The following XKR9 variants were observed in gnomAD, a reference collection of about 807,000 sequenced individuals.
XKR9 encodes the protein XK related 9.
In XKR9, 32 loss-of-function variants were observed where a neutral mutation model predicts 32.0. The ratio of observed to expected loss-of-function variants is 1.00; its 90% confidence interval spans 0.76 to 1.34. The LOEUF (loss-of-function observed/expected upper bound fraction) is 1.34, where lower values mean the gene tolerates loss of function less well. XKR9 is among the 40% of genes most tolerant of loss of function. The pLI, the probability that XKR9 is intolerant of heterozygous loss-of-function variation, is 0.00. For synonymous variants in XKR9, 168 were observed against 143.4 expected (o/e 1.17, Z -1.22); for missense variants, 546 against 429.7 (o/e 1.27, Z -2.39).
At chr8:70,821,290 C>T in the XKR9 span, among the ~76,000 whole-genome samples, 1 of 152,250 alleles carries the variant, frequency 6.6e-6, no homozygotes, top group South Asian at 2.1e-4. Context: ...AGGTGGGCTA[C>T]CATGGTCTTG....
the XKR9 span, among the ~76,000 whole-genome samples, chr8:70,850,839 A>G: frequency 6.6e-6 from 1 of 152,194 alleles, no homozygotes; most frequent in Non-Finnish European, 1.5e-5. Context: ...CTGAATGGGC[A>G]AAAACTGGAA....
At chr8:70,888,124 A>C in the XKR9 span, among the ~76,000 whole-genome samples, 1 of 152,022 alleles carries the variant, frequency 6.6e-6, no homozygotes, top group African/African-American at 2.4e-5. Context: ...GTATCACACT[A>C]TAGTGTTATA....
the XKR9 span, among the ~76,000 whole-genome samples, chr8:70,922,185 C>G: frequency 6.6e-6 from 1 of 152,182 alleles, no homozygotes; most frequent in Admixed American, 6.5e-5. Context: ...GGACTCAGCA[C>G]CAGAACACAA....
chr8:70,985,892 A>T, the XKR9 span, among the ~76,000 whole-genome samples: 1 of 152,132 alleles, frequency 6.6e-6, no homozygotes, highest in Non-Finnish European at 1.5e-5. Flanking sequence ...CATAATTATA[A>T]TTCTTCTAAT....
the XKR9 span, among the ~76,000 whole-genome samples, chr8:71,011,074 G>A: frequency 1.3e-5 from 2 of 152,162 alleles, no homozygotes; most frequent in Non-Finnish European, 2.9e-5. Context: ...TGTGTAAGAC[G>A]CATGGTGGCA....
At chr8:70,876,742 G>A in the XKR9 span, among the ~76,000 whole-genome samples, 1 of 152,104 alleles carries the variant, frequency 6.6e-6, no homozygotes, top group African/African-American at 2.4e-5. Flanking sequence ...GAAACCCTGA[G>A]TTTCTGAGTC....
chr8:70,825,592 T>C, the XKR9 span, among the ~76,000 whole-genome samples: 1 of 152,144 alleles, frequency 6.6e-6, no homozygotes, highest in African/African-American at 2.4e-5. Context: ...ACTTCTCTCT[T>C]CAGCTCCTGG....
chr8:70,981,587 C>T, the XKR9 span, among the ~76,000 whole-genome samples: 1 of 152,100 alleles, frequency 6.6e-6, no homozygotes, highest in Non-Finnish European at 1.5e-5. Context: ...CTTTACCTTT[C>T]TCTGGTGCCT....
the XKR9 span, among the ~76,000 whole-genome samples, chr8:70,805,602 G>T: frequency 1.3e-5 from 2 of 152,212 alleles, no homozygotes; most frequent in African/African-American, 4.8e-5. Flanking sequence ...TTGGTCCCAA[G>T]ACATGTTCCC....
chr8:71,052,918 C>T, the XKR9 span, among the ~76,000 whole-genome samples: 1 of 152,340 alleles, frequency 6.6e-6, no homozygotes, highest in Non-Finnish European at 1.5e-5. Flanking sequence ...ATCAGTAACC[C>T]TGTCTCAGCT....
At chr8:70,722,695 A>G (rs2132219736) in intron 4 of XKR9, among the ~76,000 whole-genome samples, 1 of 152,132 alleles carries the variant, frequency 6.6e-6, no homozygotes, top group African/African-American at 2.4e-5. Flanking sequence ...CTCTTTGTAG[A>G]TGACCTGGCC....
the XKR9 span, among the ~76,000 whole-genome samples, chr8:71,045,827 G>A: frequency 2.0e-5 from 3 of 152,204 alleles, no homozygotes; most frequent in Non-Finnish European, 4.4e-5. Context: ...GATGGCTTGA[G>A]AAGCTGAAGT....
At chr8:70,684,590 A>G (rs903656355) in intron 3 of XKR9, among the ~76,000 whole-genome samples, 1 of 151,968 alleles carries the variant, frequency 6.6e-6, no homozygotes, top group African/African-American at 2.4e-5. Flanking sequence ...CTTAATTTTA[A>G]TTGATCTGAC....
At chr8:70,728,111 TCCCAAAGTTAGATCAACCTATG>T (rs1393244012) in intron 4 of XKR9, among the ~76,000 whole-genome samples, 3 of 152,170 alleles carry the variant, frequency 2.0e-5, no homozygotes, top group African/African-American at 7.2e-5. Context: ...ACTATGTTCC[TCCCAAAGTTAGATCAACCTATG>T]CCCAGGAATG....
chr8:70,989,672 G>A, the XKR9 span, among the ~76,000 whole-genome samples: 3 of 152,060 alleles, frequency 2.0e-5, no homozygotes, highest in African/African-American at 7.2e-5. Flanking sequence ...GCATTTTATT[G>A]TGGTAAAAAT....
intron 2 of XKR9, among the ~76,000 whole-genome samples, chr8:70,755,041 T>C (rs779244339): frequency 2.6e-5 from 4 of 152,172 alleles, no homozygotes; most frequent in Non-Finnish European, 2.9e-5. Context: ...ATCCAGAATC[T>C]ACAATGAACT....
chr8:70,854,819 A>G, the XKR9 span, among the ~76,000 whole-genome samples: 1 of 152,184 alleles, frequency 6.6e-6, no homozygotes, highest in Non-Finnish European at 1.5e-5. Context: ...TTTGTCAAAG[A>G]TCAGATAGTT....
chr8:70,742,143 G>A (rs1806995858), intron 2 of XKR9, among the ~76,000 whole-genome samples: 3 of 152,064 alleles, frequency 2.0e-5, no homozygotes, highest in African/African-American at 7.2e-5. Flanking sequence ...TTAACATCCA[G>A]AGTATATAAA....
At chr8:70,979,516 A>G in the XKR9 span, among the ~76,000 whole-genome samples, 1 of 151,994 alleles carries the variant, frequency 6.6e-6, no homozygotes, top group Non-Finnish European at 1.5e-5. Context: ...GGTATCTTGG[A>G]GTTTGCTGGA....
Sources: allele counts gnomAD v4.1 joint callset (sites outside exome capture counted in the v4.1 genomes callset), GRCh38; gene constraint gnomAD v4.1.1; transcripts MANE v1.5; gene names NCBI Gene and HGNC (gene_info 2026-07-23, HGNC 2026-07-21).